The following UXT variants were observed in gnomAD, a reference collection of about 807,000 sequenced individuals.
UXT encodes protein UXT.
For missense variants in UXT, 111 were observed against 132.7 expected (o/e 0.84, Z 0.80); for synonymous variants, 54 against 52.8 (o/e 1.02, Z -0.10).
chrX:47,657,734 C>G (rs764128140), intron 2 of UXT, 48 bp downstream of exon 3: 4 of 1,184,463 alleles, frequency 3.4e-6, no homozygotes, highest in Middle Eastern at 4.7e-4. Flanking sequence ...ATTTCCCTCC[C>G]TTGCCCACAC....
chrX:47,653,288 A>G (rs2058073764), intron 4 of UXT, among the ~76,000 whole-genome samples: 1 of 112,286 alleles, frequency 8.9e-6, no homozygotes, highest in Non-Finnish European at 1.9e-5. Flanking sequence ...TGGAAAAAAA[A>G]GTAGTATGAA....
intron 2 of UXT, 29 bp from the exon 4 acceptor site, chrX:47,657,668 G>A (rs746093515): frequency 2.7e-5 from 32 of 1,196,616 alleles, no homozygotes; most frequent in Non-Finnish European, 3.4e-5. Context: ...AGAGGTAGGG[G>A]TCAGTGGTGA....
In UXT at chrX:47,659,037, T is replaced by C; in HGVS notation, c.-74A>G. Reference sequence around the variant, plus strand: ...AACGCTGGGAATCGGCTTGTCCGGCTCAAGCTGGAGGTTCAGCCTTCCGCC... The same window carrying C: ...AACGCTGGGAATCGGCTTGTCCGGCCCAAGCTGGAGGTTCAGCCTTCCGCC... On this transcript the variant is annotated 5_prime_UTR_variant, in exon 1 of 6. Transcript: ENST00000335890. The C allele has an allele frequency of 8.4e-7, 1 of 1,196,923 alleles. No homozygotes were observed. Among genetic ancestry groups the C allele is most frequent in the Non-Finnish European group, 1.1e-6 (1 of 884,383 alleles).
intron 5 of UXT, 48 bp from the exon 7 acceptor site, chrX:47,651,943 C>T (rs780531726): frequency 1.2e-5 from 14 of 1,194,449 alleles, no homozygotes; most frequent in South Asian, 7.2e-5. Context: ...GTCTGGGTTA[C>T]GCCCCCAGGC....
chrX:47,658,693 C>T, intron 1 of UXT, 137 bp downstream of exon 2: 1 of 906,385 alleles, frequency 1.1e-6, no homozygotes, highest in South Asian at 3.6e-5. Flanking sequence ...GATGTCGTCC[C>T]CACTTCTCGC....
chrX:47,654,718 G>A (rs749120318), intron 4 of UXT, among the ~76,000 whole-genome samples: 67 of 111,739 alleles, frequency 6.0e-4, no homozygotes, highest in South Asian at 4.1e-3. Flanking sequence ...TATTTTTAAA[G>A]GACAGCCAGC....
intron 4 of UXT, among the ~76,000 whole-genome samples, chrX:47,656,632 T>C (rs1014327160): frequency 9.0e-6 from 1 of 111,218 alleles, no homozygotes; most frequent in Non-Finnish European, 1.9e-5. Context: ...AAGGAAGCCA[T>C]GTGGGTACTG....
At chrX:47,652,661 T>C (rs1322660428) in intron 4 of UXT, among the ~76,000 whole-genome samples, 4 of 110,829 alleles carry the variant, frequency 3.6e-5, no homozygotes, top group African/African-American at 1.3e-4. Flanking sequence ...GAGGTGGGAG[T>C]GTGCCTGGCA....
chrX:47,656,981 C>A lies in UXT; in HGVS notation c.392+202G>T. ...ACAGAAGATGCCCAATAAATGTTTG[C>A]GTGAATGAACAATACAAAGATCATT... On this transcript the variant is annotated intron_variant, in intron 4 of 5. Transcript: ENST00000335890. 9.7e-6 allele frequency: 4 copies of A among 411,434 alleles called. No individual in the cohort carries two copies. The Admixed American group carries it at 1.3e-4, about 13-fold the overall frequency. The allele number at this position is 411,434 out of a possible 1,213,427, so 33.9% of individuals were successfully genotyped here.
At position 47,657,613 on chromosome X, in the gene UXT, C is replaced by T. The variant is rs2058087782; in HGVS notation, c.243G>A (p.Met81Ile). ...AGAAGTTACAGCCCAAATCCACCTG[C>T]ATATATAACTCCGAGTGCTTAGCTT... The change falls in exon 3 of 6, where the codon ATG (methionine) becomes ATA (isoleucine). Residue 81 changes from methionine (M) to isoleucine (I), a missense_variant. Physicochemically the swap from Met to Ile is conservative, Grantham distance 10 (BLOSUM62 1). Transcript: ENST00000335890. The T allele has an allele frequency of 8.3e-7, 1 of 1,208,257 alleles. No homozygotes were observed. The highest frequency in any genetic ancestry group is 1.8e-5 in the African/African-American group (1 of 56,812).
chrX:47,657,561 T>C lies in UXT; in HGVS notation c.284+11A>G. On this transcript the variant is annotated intron_variant, in intron 3 of 5. Coordinates refer to ENST00000335890, the MANE Select transcript of UXT (RefSeq NM_153477.3). ...AACCCTGTGGGCTCAGAGGGGCGGG[T>C]AGACACTCACACCACTGTGTCAACG... The C allele has an allele frequency of 1.7e-6, 2 of 1,197,241 alleles. No homozygotes were observed. The highest frequency in any genetic ancestry group is 2.3e-6 in the Non-Finnish European group (2 of 887,516).
chrX:47,653,961 G>T, intron 4 of UXT: 1 of 328,176 alleles, frequency 3.0e-6, no homozygotes, highest in Non-Finnish European at 4.0e-6. Flanking sequence ...GAATGAACCT[G>T]ATCAGCTCCT....
chrX:47,652,242 C>T, intron 4 of UXT, 98 bp from the exon 6 acceptor site: 1 of 820,720 alleles, frequency 1.2e-6, no homozygotes, highest in Non-Finnish European at 1.8e-6. Context: ...GGATGATTTC[C>T]ACCTGGCTCA....
Position 47,658,991 on chromosome X carries a change from A to ACAGTTCATCT in UXT, c.-38_-29dup. The ACAGTTCATCT allele has an allele frequency of 1.7e-6, 2 of 1,211,375 alleles. No homozygotes were observed. The highest frequency in any genetic ancestry group is 1.1e-6 in the Non-Finnish European group (1 of 895,092). ...TGACCGATCCAGTTTGGCCTCACAC[A>ACAGTTCATCT]CAGTTCATCTCTACCCTCTCAACGC... On this transcript the variant is annotated 5_prime_UTR_variant, in exon 1 of 6. Transcript: ENST00000335890.
intron 4 of UXT, among the ~76,000 whole-genome samples, chrX:47,656,187 C>T (rs912791253): frequency 1.8e-5 from 2 of 111,593 alleles, no homozygotes; most frequent in African/African-American, 6.5e-5. Context: ...AACACAAAGC[C>T]GGGTACAGCA....
rs2058095026 is a variant in UXT at position 47,659,099 on chromosome X, C to A, written c.-136G>T. On this transcript the variant is annotated 5_prime_UTR_variant, in exon 1 of 6. Transcript: ENST00000335890. ...GGGGACCCGACCACCCAGGGACACC[C>A]AAGCGCGGCCTTTACCTCAGGCCGC... is the stretch of plus-strand genomic sequence containing the variant. The A allele has an allele frequency of 2.0e-6, 2 of 984,377 alleles. No individual in the cohort carries two copies. Among genetic ancestry groups the A allele is most frequent in the Non-Finnish European group, 2.8e-6 (2 of 708,374 alleles). 81.1% of individuals were successfully genotyped at this position (984,377 alleles called of 1,213,427 possible).
intron 4 of UXT, among the ~76,000 whole-genome samples, chrX:47,652,443 G>A (rs929030509): frequency 1.8e-5 from 2 of 112,729 alleles, no homozygotes; most frequent in African/African-American, 6.5e-5. Flanking sequence ...TAAAAGCTAT[G>A]TGTCAGATGG....
intron 4 of UXT, among the ~76,000 whole-genome samples, chrX:47,655,868 T>C (rs2147950322): frequency 8.9e-6 from 1 of 112,362 alleles, no homozygotes; most frequent in African/African-American, 3.2e-5. Flanking sequence ...CTGCAACCAG[T>C]GGGCCACATG....
intron 1 of UXT, among the ~76,000 whole-genome samples, chrX:47,658,562 G>A (rs764073647): frequency 8.9e-6 from 1 of 112,196 alleles, no homozygotes; most frequent in Admixed American, 9.4e-5. Flanking sequence ...GGCCGAGCCA[G>A]GATTCGAACC....
Sources: allele counts gnomAD v4.1 joint callset (sites outside exome capture counted in the v4.1 genomes callset), GRCh38; gene constraint gnomAD v4.1.1; transcripts MANE v1.5; gene names NCBI Gene and HGNC (gene_info 2026-07-23, HGNC 2026-07-21).